Variants in SYBU observed in about 807,000 individuals in gnomAD.
The protein encoded by SYBU is GOLSYN A protein.
Under a neutral mutation model 35.9 loss-of-function variants are expected in SYBU, and 21 were observed. The observed-to-expected ratio is 0.58, with a 90% CI of 0.41 to 0.84. The LOEUF (loss-of-function observed/expected upper bound fraction) is 0.84. Ranked by LOEUF, SYBU falls within the 40% of genes least tolerant of loss-of-function variation. SYBU has a pLI of 0.00. For missense variants in SYBU, 768 were observed against 848.2 expected, an observed-to-expected ratio of 0.91 and a Z score of 1.17; for synonymous variants, 319 against 324.3, an observed-to-expected ratio of 0.98 and a Z score of 0.18.
intron 1 of SYBU, among the ~76,000 whole-genome samples, chr8:109,672,383 A>G (rs1817016053): frequency 6.6e-6 from 1 of 152,174 alleles, no homozygotes; most frequent in African/African-American, 2.4e-5. Flanking sequence ...ACAGAGGGCA[A>G]GCTAAAGCAA....
chr8:109,586,521 AT>A (rs1389373191), intron 3 of SYBU: 1 of 195,168 alleles, frequency 5.1e-6, no homozygotes, highest in Non-Finnish European at 1.1e-5. Context: ...CAAAAGAAAA[AT>A]AAAATACTTA....
chr8:109,647,992 T>C (rs1815878303), upstream of SYBU: 2 of 152,198 alleles, frequency 1.3e-5, no homozygotes, highest in Admixed American at 1.3e-4. Flanking sequence ...GTGTTTCTCA[T>C]GTCATTAGAA....
intron 1 of SYBU, among the ~76,000 whole-genome samples, chr8:109,655,285 C>T (rs546500686): frequency 3.3e-5 from 5 of 152,290 alleles, no homozygotes; most frequent in African/African-American, 9.6e-5. Context: ...GCATTTGCTC[C>T]TGTCTTGAGT....
At chr8:109,651,975 C>A (rs1289742410) in intron 1 of SYBU, among the ~76,000 whole-genome samples, 1 of 152,216 alleles carries the variant, frequency 6.6e-6, no homozygotes, top group Non-Finnish European at 1.5e-5. Flanking sequence ...TGCACAGACA[C>A]CTATCACTCA....
chr8:109,677,309 A>T (rs956070761), intron 1 of SYBU, among the ~76,000 whole-genome samples: 28 of 152,314 alleles, frequency 1.8e-4, no homozygotes, highest in South Asian at 1.7e-3. Context: ...TCTGTGGTAT[A>T]TTTTCCAATG....
chr8:109,653,239 C>T (rs1816221594), intron 1 of SYBU, among the ~76,000 whole-genome samples: 1 of 144,590 alleles, frequency 6.9e-6, no homozygotes, highest in Non-Finnish European at 1.5e-5. Context: ...TTTAGGTTTA[C>T]AAAAAAAATT....
At chr8:109,656,222 A>G (rs1365066586) in intron 1 of SYBU, among the ~76,000 whole-genome samples, 1 of 152,246 alleles carries the variant, frequency 6.6e-6, no homozygotes, top group Non-Finnish European at 1.5e-5. Context: ...AACCTGCTTT[A>G]AATATACTTT....
At chr8:109,686,879 T>C (rs1817530473) in intron 1 of SYBU, among the ~76,000 whole-genome samples, 1 of 152,224 alleles carries the variant, frequency 6.6e-6, no homozygotes, top group African/African-American at 2.4e-5. Flanking sequence ...GTATTCAACT[T>C]GCACATCTTT....
intron 3 of SYBU, among the ~76,000 whole-genome samples, chr8:109,610,147 C>T (rs1811009481): frequency 6.6e-6 from 1 of 152,126 alleles, no homozygotes; most frequent in South Asian, 2.1e-4. Context: ...GCTCAAATGT[C>T]ACCACCCCAG....
At chr8:109,690,828 TTA>T (rs1322578794) in intron 1 of SYBU, among the ~76,000 whole-genome samples, 1 of 152,138 alleles carries the variant, frequency 6.6e-6, no homozygotes. Flanking sequence ...GGAATAGTCT[TTA>T]AGAAAGTTTC....
rs1586922745 is a variant in SYBU at position 109,642,720 on chromosome 8, T to C, written c.229+8A>G. The C allele has an allele frequency of 6.3e-7, 1 of 1,584,398 alleles. No homozygotes were observed. ...CACGCCTCTGGTGGCCTCCCGAGGG[T>C]ACTGTACCTGAGCAGAAGCTGTTGC... On this transcript the variant is annotated splice_region_variant and intron_variant, in intron 2 of 6. Transcript: ENST00000276646.
At chr8:109,670,238 T>C (rs1332862797) in intron 1 of SYBU, among the ~76,000 whole-genome samples, 1 of 150,726 alleles carries the variant, frequency 6.6e-6, no homozygotes, top group Non-Finnish European at 1.5e-5. Flanking sequence ...ACTTTAAAAC[T>C]TTTTTTAAAT....
At chr8:109,582,289 G>C (rs778454100) in intron 4 of SYBU, among the ~76,000 whole-genome samples, 1 of 152,156 alleles carries the variant, frequency 6.6e-6, no homozygotes, top group Non-Finnish European at 1.5e-5. Context: ...GAAGCAACAT[G>C]CTTAAAAATA....
chr8:109,646,488 G>A (rs1287250836), upstream of SYBU: 4 of 152,184 alleles, frequency 2.6e-5, no homozygotes, highest in Non-Finnish European at 4.4e-5. Context: ...GCTCTCTCAA[G>A]CAGTGAGGTT....
At position 109,575,725 on chromosome 8, in the gene SYBU, G is replaced by A. The variant is rs1407483911; in HGVS notation, c.1173C>T (p.Asp391=). 6.2e-7 allele frequency: 1 copy of A among 1,614,050 alleles called. No homozygotes were observed. The highest frequency in any genetic ancestry group is 8.5e-7 in the Non-Finnish European group (1 of 1,180,032). ...SGSLRDELCL[D]FPCDSPEKSL... ...TCTTCTCTGGGGAATCACATGGAAAGTCTAGGCACAGTTCGTCCCTCAGAG... is the reference window on the plus strand; with the variant it reads ...TCTTCTCTGGGGAATCACATGGAAAATCTAGGCACAGTTCGTCCCTCAGAG... The change falls in exon 7 of 7, where the codon GAC becomes GAT. Residue 391 remains aspartate, a synonymous_variant. Coordinates refer to ENST00000276646, the MANE Select transcript of SYBU (RefSeq NM_001099754.2).
chr8:109,603,118 T>G lies in SYBU; in HGVS notation c.427+15724A>C, dbSNP rs1037041154. On this transcript the variant is annotated intron_variant, in intron 3 of 6. Transcript: ENST00000276646. Reference sequence around the variant, plus strand: ...AGGAGGGGACATGCACTGGGATGCCTCGCTCCTACTTCTGTCTTCCTTCTC... The same window carrying G: ...AGGAGGGGACATGCACTGGGATGCCGCGCTCCTACTTCTGTCTTCCTTCTC... Among the ~76,000 whole-genome samples, 5 of 152,342 alleles carry G rather than the reference T, an allele frequency of 3.3e-5. No individual in the cohort carries two copies. The East Asian group carries it at 9.6e-4, about 29-fold the overall frequency.
chr8:109,670,355 A>G (rs185491502), intron 1 of SYBU, among the ~76,000 whole-genome samples: 20 of 151,874 alleles, frequency 1.3e-4, no homozygotes, highest in Admixed American at 1.1e-3. Flanking sequence ...CCATTAACTC[A>G]TCATTTACAT....
At chr8:109,666,117 TGGAA>T (rs1816743162) in intron 1 of SYBU, among the ~76,000 whole-genome samples, 1 of 152,210 alleles carries the variant, frequency 6.6e-6, no homozygotes, top group Non-Finnish European at 1.5e-5. Flanking sequence ...TGCTTTCAGA[TGGAA>T]GAGAACACCA....
chr8:109,669,893 CA>C (rs1280249960), intron 1 of SYBU, among the ~76,000 whole-genome samples: 1 of 152,184 alleles, frequency 6.6e-6, no homozygotes, highest in Admixed American at 6.5e-5. Context: ...TTTAATCTTT[CA>C]AAAACTGATG....
Sources: allele counts gnomAD v4.1 joint callset (sites outside exome capture counted in the v4.1 genomes callset), GRCh38; gene constraint gnomAD v4.1.1; transcripts MANE v1.5; gene names NCBI Gene and HGNC (gene_info 2026-07-23, HGNC 2026-07-21).